Variants in NT5C2 observed in about 807,000 individuals in gnomAD.
NT5C2 encodes cytosolic purine 5'-nucleotidase.
A neutral mutation model predicts 76.1 loss-of-function variants in NT5C2; 58 were observed. The ratio of observed to expected loss-of-function variants is 0.76; its 90% CI spans 0.62 to 0.95. The LOEUF (loss-of-function observed/expected upper bound fraction) is 0.95, where lower values mean the gene tolerates loss of function less well. NT5C2 is among the 40% of genes least tolerant of loss of function. NT5C2 has a pLI of 0.00. For missense variants in NT5C2, 478 were observed against 690.3 expected (o/e 0.69, Z 3.45); for synonymous variants, 229 against 237.4 (o/e 0.96, Z 0.32).
intron 3 of NT5C2, among the ~76,000 whole-genome samples, chr10:103,169,021 T>G (rs2134437827): frequency 6.6e-6 from 1 of 152,286 alleles, no homozygotes; most frequent in Middle Eastern, 3.4e-3. Flanking sequence ...ATTTAAAATT[T>G]TTAATTAACA....
At chr10:103,107,106 C>T (rs7896519) in intron 4 of NT5C2, among the ~76,000 whole-genome samples, 57,254 of 151,986 alleles carry the variant, frequency 0.38, 11,043 homozygotes, top group East Asian at 0.56. Context: ...TCTATGTATG[C>T]TGAAGGCTTC....
intron 3 of NT5C2, among the ~76,000 whole-genome samples, chr10:103,166,307 C>A (rs1202057779): frequency 1.3e-5 from 2 of 152,216 alleles, no homozygotes; most frequent in African/African-American, 4.8e-5. Flanking sequence ...ACCCCAATCT[C>A]TACCCCTAGC....
At chr10:103,134,700 T>C (rs773607419) in intron 4 of NT5C2, among the ~76,000 whole-genome samples, 23 of 152,040 alleles carry the variant, frequency 1.5e-4, no homozygotes, top group East Asian at 3.9e-4. Flanking sequence ...CCCAGAATAA[T>C]AGATCCACTG....
chr10:103,091,643 G>T, intron 15 of NT5C2, 28 bp from the exon 16 acceptor site: 1 of 1,592,410 alleles, frequency 6.3e-7, no homozygotes, highest in Non-Finnish European at 8.6e-7. Flanking sequence ...GGAAAAGGAA[G>T]ACATTTTAAA....
chr10:103,114,685 T>A (rs557075694), intron 4 of NT5C2, among the ~76,000 whole-genome samples: 1 of 152,362 alleles, frequency 6.6e-6, no homozygotes, highest in African/African-American at 2.4e-5. Flanking sequence ...ATTCATTCTT[T>A]AATAACATAA....
chr10:103,140,180 A>G (rs1434753110), intron 3 of NT5C2: 2 of 152,080 alleles, frequency 1.3e-5, no homozygotes, highest in Non-Finnish European at 2.9e-5. Flanking sequence ...CGGCCTCTCA[A>G]AGTCCTGGGA....
chr10:103,148,902 A>C (rs1215438460), intron 3 of NT5C2, among the ~76,000 whole-genome samples: 1 of 152,192 alleles, frequency 6.6e-6, no homozygotes, highest in Non-Finnish European at 1.5e-5. Context: ...GTCACAGCCT[A>C]GGAGATTCCA....
intron 6 of NT5C2, among the ~76,000 whole-genome samples, chr10:103,102,508 ACT>A (rs899908130): frequency 2.7e-5 from 4 of 150,366 alleles, no homozygotes; most frequent in East Asian, 1.9e-4. Flanking sequence ...CACCCAGTTG[ACT>A]CTCAGAATTT....
chr10:103,126,536 C>T (rs866416318), intron 4 of NT5C2, among the ~76,000 whole-genome samples: 4 of 152,140 alleles, frequency 2.6e-5, no homozygotes, highest in East Asian at 1.9e-4. Context: ...GCAGAAGAAT[C>T]GCTTGAACCT....
At chr10:103,185,864 C>G (rs1263698586) in intron 1 of NT5C2, among the ~76,000 whole-genome samples, 3 of 152,044 alleles carry the variant, frequency 2.0e-5, no homozygotes, top group African/African-American at 7.2e-5. Flanking sequence ...TAAATTCATA[C>G]TTAAGGTTTA....
Position 103,106,595 on chromosome 10 carries a change from G to A in NT5C2, c.287C>T (p.Pro96Leu), listed in dbSNP as rs377735697. Reference protein sequence around the residue: ...LLSFAYDSTFPTRGLVFDTLY... With the variant: ...LLSFAYDSTFLTRGLVFDTLY... ...AAATATCTTTAAAAATTACCTGGTAGGGAATGTAGAATCATAAGCAAAGCT... is the reference window on the plus strand; with the variant it reads ...AAATATCTTTAAAAATTACCTGGTAAGGAATGTAGAATCATAAGCAAAGCT... Residue 96 changes from proline to leucine, a missense_variant, in exon 5 of 19, where the codon CCT (proline) becomes CTT (leucine). Pro to Leu is a moderately conservative substitution (Grantham distance 98). Coordinates refer to ENST00000404739, the MANE Select transcript of NT5C2 (RefSeq NM_001351169.2). 6.3e-7 allele frequency: 1 copy of A among 1,593,152 alleles called. No homozygotes were observed. The highest frequency in any genetic ancestry group is 8.6e-7 in the Non-Finnish European group (1 of 1,161,094).
intron 10 of NT5C2, among the ~76,000 whole-genome samples, chr10:103,097,812 C>A (rs2068572467): frequency 6.6e-6 from 1 of 152,164 alleles, no homozygotes; most frequent in African/African-American, 2.4e-5. Context: ...AAACACCTTG[C>A]AGAATGAAAT....
chr10:103,099,344 G>A (rs2068977084), intron 9 of NT5C2, among the ~76,000 whole-genome samples: 1 of 152,132 alleles, frequency 6.6e-6, no homozygotes, highest in South Asian at 2.1e-4. Context: ...CAAAGTGCTG[G>A]GATTACAGGC....
intron 4 of NT5C2, among the ~76,000 whole-genome samples, chr10:103,114,577 C>T (rs1186928237): frequency 6.6e-6 from 1 of 152,132 alleles, no homozygotes; most frequent in Non-Finnish European, 1.5e-5. Flanking sequence ...CATTATCTAT[C>T]CCATTTAATT....
chr10:103,116,423 C>T (rs1332559240), intron 4 of NT5C2, among the ~76,000 whole-genome samples: 2 of 152,118 alleles, frequency 1.3e-5, no homozygotes, highest in Non-Finnish European at 2.9e-5. Context: ...ATGTATCACA[C>T]ATACAGAATT....
intron 4 of NT5C2, among the ~76,000 whole-genome samples, chr10:103,113,924 A>G (rs2073685295): frequency 6.6e-6 from 1 of 152,266 alleles, no homozygotes; most frequent in South Asian, 2.1e-4. Flanking sequence ...CAACTAATAC[A>G]TTACAAACAT....
rs61184717 is a variant in NT5C2, at chr10:103,181,335, C to CA, written c.-168-8dup. 0.28 allele frequency: 38,323 copies of CA among 135,032 alleles called. 5,251 individuals are homozygous for CA. The highest frequency in any genetic ancestry group is 0.34 in the Middle Eastern group (91 of 270). 8.4% of individuals were successfully genotyped at this position (135,032 alleles called of 1,614,324 possible). On this transcript the variant is annotated splice_region_variant and splice_polypyrimidine_tract_variant and intron_variant, in intron 1 of 18. Coordinates refer to ENST00000404739, the MANE Select transcript of NT5C2 (RefSeq NM_001351169.2). ...TGGGCAGCAGAGCGAAACTCTGTCT[C>CA]AAAAAAAAAAAAAATAATAATTCAC...
intron 1 of NT5C2, among the ~76,000 whole-genome samples, chr10:103,191,402 A>C (rs1301330381): frequency 1.3e-5 from 1 of 77,830 alleles, no homozygotes; most frequent in Non-Finnish European, 3.0e-5. Context: ...AAAAAAAGAG[A>C]GAGAGAGGAA....
intron 1 of NT5C2, among the ~76,000 whole-genome samples, chr10:103,189,041 T>C (rs2092382239): frequency 1.4e-5 from 1 of 72,142 alleles, no homozygotes; most frequent in South Asian, 3.6e-4. Flanking sequence ...AGCCTGCTTG[T>C]ACTATGTGCT....
Sources: gnomAD v4.1 joint callset for allele counts (sites outside exome capture counted in the v4.1 genomes callset) on GRCh38, gnomAD v4.1.1 for gene constraint, MANE v1.5 for transcripts, NCBI Gene and HGNC (gene_info 2026-07-23, HGNC 2026-07-21) for gene names.